G2E3: variants seen among roughly 807,000 people sequenced by gnomAD.
G2E3 encodes G2/M-phase specific E3 ubiquitin protein ligase, also known as G2/M phase-specific E3 ubiquitin-protein ligase.
G2E3 carries 35 observed loss-of-function variants against 92.8 expected under a neutral mutation model. The ratio of observed to expected loss-of-function variants is 0.38; its 90% CI spans 0.29 to 0.50. The LOEUF (loss-of-function observed/expected upper bound fraction) is 0.50. Ranked by LOEUF, G2E3 falls within the 20% of genes least tolerant of loss-of-function variation. The probability of loss-of-function intolerance (pLI) is 0.94; values close to 1 mark genes in which losing one functional copy is unlikely to be tolerated. For missense variants in G2E3, 554 were observed against 823.8 expected, an observed-to-expected ratio of 0.67 and a Z score of 4.01; for synonymous variants, 242 against 272.4, an observed-to-expected ratio of 0.89 and a Z score of 1.10.
intron 11 of G2E3, among the ~76,000 whole-genome samples, chr14:30,607,198 G>A (rs1047570098): frequency 1.3e-5 from 2 of 152,040 alleles, no homozygotes; most frequent in African/African-American, 4.8e-5. Flanking sequence ...AATATAATAA[G>A]TGGATAAAGC....
At chr14:30,561,787 T>A (rs1458541601) in intron 1 of G2E3, among the ~76,000 whole-genome samples, 1 of 152,022 alleles carries the variant, frequency 6.6e-6, no homozygotes, top group Non-Finnish European at 1.5e-5. Context: ...GTTCAGTGAG[T>A]ACTTATTATT....
chr14:30,609,847 T>C (rs1882006211), intron 12 of G2E3, among the ~76,000 whole-genome samples: 3 of 152,206 alleles, frequency 2.0e-5, no homozygotes, highest in South Asian at 2.1e-4. Context: ...TTTCCAGTTA[T>C]ATGTCAAGTC....
intron 2 of G2E3, among the ~76,000 whole-genome samples, chr14:30,584,193 C>T (rs1027424535): frequency 1.3e-5 from 2 of 152,194 alleles, no homozygotes; most frequent in Non-Finnish European, 1.5e-5. Context: ...CATGCTGTAG[C>T]ATGTATTACT....
At chr14:30,573,494 G>T (rs1879897665) in intron 1 of G2E3, 1 of 151,734 alleles carries the variant, frequency 6.6e-6, no homozygotes, top group Non-Finnish European at 1.5e-5. Context: ...TTTATTATAA[G>T]GTATTGACTC....
intron 1 of G2E3, among the ~76,000 whole-genome samples, chr14:30,570,541 C>T (rs1879697279): frequency 6.6e-6 from 1 of 151,978 alleles, no homozygotes; most frequent in Admixed American, 6.6e-5. Context: ...TTTCTTTCTG[C>T]TCTTCAGACT....
Position 30,615,386 on chromosome 14 carries a change from A to G in G2E3, c.1711A>G (p.Lys571Glu), listed in dbSNP as rs1882265503. Residue 571 changes from lysine (K) to glutamate (E), a missense_variant, in exon 14 of 15, where the codon AAA becomes GAA. Physicochemically the swap from Lys to Glu is moderately conservative, Grantham distance 56. This residue lies in a region of G2E3 where 397 missense variants were observed against 560.3 expected (regional missense o/e 0.71). Coordinates refer to ENST00000206595, the MANE Select transcript of G2E3 (RefSeq NM_017769.5). ...QGLKTLGVLE[K>E]IQAYPEAFCS... ...TCTGAAAACCCTTGGTGTTTTGGAG[A>G]AAATTCAGGCTTATCCAGAAGCATT... 1.2e-6 allele frequency: 2 copies of G among 1,601,268 alleles called. No homozygotes were observed. Among genetic ancestry groups the G allele is most frequent in the Non-Finnish European group, 1.7e-6 (2 of 1,175,776 alleles).
At chr14:30,568,907 G>A (rs989353774) in intron 1 of G2E3, among the ~76,000 whole-genome samples, 9 of 151,946 alleles carry the variant, frequency 5.9e-5, no homozygotes, top group Admixed American at 4.6e-4. Flanking sequence ...TTCCTCGTAT[G>A]GCTTTGACTT....
intron 2 of G2E3, among the ~76,000 whole-genome samples, chr14:30,585,410 G>A (rs1880655142): frequency 6.6e-6 from 1 of 152,142 alleles, no homozygotes. Context: ...TTGTTGATGA[G>A]ACTATTCTTT....
chr14:30,566,318 C>T (rs1028536903), intron 1 of G2E3, among the ~76,000 whole-genome samples: 1 of 152,290 alleles, frequency 6.6e-6, no homozygotes, highest in Admixed American at 6.5e-5. Flanking sequence ...TGTATCAAAT[C>T]CATAAATTGC....
At chr14:30,605,932 T>C in intron 11 of G2E3, 120 bp downstream of exon 11, 2 of 496,396 alleles carry the variant, frequency 4.0e-6, no homozygotes, top group Non-Finnish European at 7.0e-6. Context: ...ACTTTGTTAA[T>C]AAACTACTGA....
In G2E3 at chr14:30,609,669, T is replaced by A. The variant is rs147223596; in HGVS notation, c.1500+1600T>A. ...TATACAGATAAGACCTGGGTCTTGCTAGCACATTGAGTCTAACATGTTTAA... is the reference window on the plus strand; with the variant it reads ...TATACAGATAAGACCTGGGTCTTGCAAGCACATTGAGTCTAACATGTTTAA... On this transcript the variant is annotated intron_variant, in intron 12 of 14. Transcript: ENST00000206595. 6.4e-3 allele frequency among the ~76,000 whole-genome samples: 975 copies of A among 152,348 alleles called. 18 individuals are homozygous for A. The highest frequency in any genetic ancestry group is 0.022 in the African/African-American group (932 of 41,572).
chr14:30,566,320 A>G (rs148950384), intron 1 of G2E3, among the ~76,000 whole-genome samples: 1 of 152,234 alleles, frequency 6.6e-6, no homozygotes, highest in Admixed American at 6.5e-5. Flanking sequence ...TATCAAATCC[A>G]TAAATTGCTT....
At chr14:30,575,471 C>T (rs1227420846) in intron 1 of G2E3, among the ~76,000 whole-genome samples, 3 of 152,062 alleles carry the variant, frequency 2.0e-5, no homozygotes, top group Non-Finnish European at 2.9e-5. Flanking sequence ...CGACACAAGA[C>T]GAGGATACTC....
chr14:30,562,011 ATGTT>A (rs1399017444), intron 1 of G2E3, among the ~76,000 whole-genome samples: 1 of 152,194 alleles, frequency 6.6e-6, no homozygotes, highest in African/African-American at 2.4e-5. Context: ...ATCAGGAGCA[ATGTT>A]TGTTAATATT....
intron 3 of G2E3, among the ~76,000 whole-genome samples, chr14:30,588,648 TTAGA>T (rs1392695133): frequency 6.6e-6 from 1 of 152,174 alleles, no homozygotes; most frequent in African/African-American, 2.4e-5. Context: ...GGAAAGAGAC[TTAGA>T]TATAGTCTAA....
Position 30,615,527 on chromosome 14 carries a change from C to T in G2E3, c.1852C>T (p.Gln618Ter). Reference protein sequence around the residue: ...KALGFWNSYLQAVEDGKSTTT... With the variant: ...KALGFWNSYL ...TTTGGGGTTTTGGAACAGTTACTTACAGGCTGTTGAAGGTATGTGGATATT... is the reference window on the plus strand; with the variant it reads ...TTTGGGGTTTTGGAACAGTTACTTATAGGCTGTTGAAGGTATGTGGATATT... Residue 618 changes from glutamine to a stop codon, truncating the protein, a stop_gained, in exon 14 of 15, where the codon CAG becomes TAG. Coordinates refer to ENST00000206595, the MANE Select transcript of G2E3 (RefSeq NM_017769.5). LOFTEE classifies it high-confidence loss of function. 6.3e-7 allele frequency: 1 copy of T among 1,583,900 alleles called. No homozygotes were observed.
intron 8 of G2E3, among the ~76,000 whole-genome samples, chr14:30,599,836 T>A (rs951490693): frequency 1.3e-5 from 2 of 152,212 alleles, no homozygotes; most frequent in African/African-American, 4.8e-5. Flanking sequence ...ACATTGTATT[T>A]CTATTGGACA....
chr14:30,586,169 G>A (rs12894186), intron 2 of G2E3, among the ~76,000 whole-genome samples: 40,927 of 152,052 alleles, frequency 0.27, 5,907 homozygotes, highest in East Asian at 0.56. Context: ...CCCTCAGGGA[G>A]CCATCATACA....
chr14:30,573,646 G>C (rs748399648), intron 1 of G2E3: 2 of 152,060 alleles, frequency 1.3e-5, no homozygotes, highest in Non-Finnish European at 2.9e-5. Context: ...TGAGAACCAG[G>C]AACACCAAGG....
Sources: gnomAD v4.1 joint callset for allele counts (sites outside exome capture counted in the v4.1 genomes callset) on GRCh38, gnomAD v4.1.1 for gene constraint, gnomAD v4.1.1 regional missense constraint, MANE v1.5 for transcripts, NCBI Gene and HGNC (gene_info 2026-07-23, HGNC 2026-07-21) for gene names.